The following WDFY3 variants were observed in gnomAD, a reference collection of about 807,000 sequenced individuals.
The protein encoded by WDFY3 is WD repeat and FYVE domain containing 3, also known as WD repeat and FYVE domain-containing protein 3.
Under a neutral mutation model 409.6 loss-of-function variants are expected in WDFY3, and 66 were observed. The ratio of observed to expected loss-of-function variants is 0.16; its 90% confidence interval spans 0.13 to 0.20. The LOEUF is 0.20. Ranked by LOEUF, WDFY3 falls within the 10% of genes least tolerant of loss-of-function variation. WDFY3 has a pLI of 1.00. For missense variants in WDFY3, 3,031 were observed against 4,298.1 expected (o/e 0.71, Z 8.24); for synonymous variants, 1,521 against 1,537.1 (o/e 0.99, Z 0.25).
chr4:84,827,768 T>G (rs1755067183), intron 9 of WDFY3, among the ~76,000 whole-genome samples: 1 of 152,156 alleles, frequency 6.6e-6, no homozygotes, highest in Admixed American at 6.6e-5. Context: ...AAAATGATAT[T>G]CTTAGGGGTT....
Position 84,766,387 on chromosome 4 carries a change from A to G in WDFY3, c.4850-15T>C. On this transcript the variant is annotated splice_polypyrimidine_tract_variant and intron_variant, in intron 30 of 67. Coordinates refer to ENST00000295888, the MANE Select transcript of WDFY3 (RefSeq NM_014991.6). ...CTCTTCAGTTCCTAAAATAAAAATAAATACATTAAATCTCCCTAGTAGATA... is the reference window on the plus strand; with the variant it reads ...CTCTTCAGTTCCTAAAATAAAAATAGATACATTAAATCTCCCTAGTAGATA... The G allele has an allele frequency of 6.3e-7, 1 of 1,576,004 alleles. No individual in the cohort carries two copies. The highest frequency in any genetic ancestry group is 8.6e-7 in the Non-Finnish European group (1 of 1,167,922).
At position 84,718,414 on chromosome 4, in the gene WDFY3, T is replaced by C. The variant is rs549270812; in HGVS notation, c.7754+8A>G. 1 of 1,611,218 alleles carries C rather than the reference T, an allele frequency of 6.2e-7. No homozygotes were observed. ...CCATACATTATGTCTCTTCATTCAT[T>C]TACTTACTTTGGAGGTAAGGTTTCA... is the stretch of plus-strand genomic sequence containing the variant. On this transcript the variant is annotated splice_region_variant and intron_variant, in intron 48 of 67. Coordinates refer to ENST00000295888, the MANE Select transcript of WDFY3 (RefSeq NM_014991.6).
At chr4:84,915,842 C>CCTCT (rs1206998625) in intron 2 of WDFY3, among the ~76,000 whole-genome samples, 6 of 152,150 alleles carry the variant, frequency 3.9e-5, no homozygotes, top group Non-Finnish European at 8.8e-5. Flanking sequence ...TACACACATA[C>CCTCT]CTCTGGCTCA....
chr4:84,837,421 C>T (rs968100776), intron 6 of WDFY3, among the ~76,000 whole-genome samples: 2 of 152,070 alleles, frequency 1.3e-5, no homozygotes, highest in Non-Finnish European at 2.9e-5. Context: ...ACTTAATTCT[C>T]CTGAGATTCA....
chr4:84,755,351 C>T lies in WDFY3; in HGVS notation c.5474G>A (p.Ser1825Asn). Residue 1825 changes from serine to asparagine, a missense_variant, in exon 34 of 68, where the codon AGC becomes AAC. Ser to Asn is a conservative substitution (Grantham distance 46). This residue lies in a region of WDFY3 where 342 missense variants were observed against 463.7 expected (regional missense o/e 0.74). Coordinates refer to ENST00000295888, the MANE Select transcript of WDFY3 (RefSeq NM_014991.6). ...ATGGATAGAAGAGACCACAGTTCCG[C>T]TGGAGGCAGGAACTCCAAAGATGAA... is the stretch of plus-strand genomic sequence containing the variant. ...WTFIFGVPAS[S>N]GTVVSSIHNV... 1 of 1,612,048 alleles carries T rather than the reference C, an allele frequency of 6.2e-7. No individual in the cohort carries two copies. Among genetic ancestry groups the T allele is most frequent in the Non-Finnish European group, 8.5e-7 (1 of 1,179,540 alleles).
intron 58 of WDFY3, among the ~76,000 whole-genome samples, chr4:84,694,228 CT>C (rs1332108587): frequency 6.6e-6 from 1 of 152,158 alleles, no homozygotes; most frequent in East Asian, 1.9e-4. Flanking sequence ...TTTTAAAGCA[CT>C]TTCATGAATG....
Position 84,787,638 on chromosome 4 carries a change from T to C in WDFY3, c.3745A>G (p.Ile1249Val), listed in dbSNP as rs375725446. The change falls in exon 23 of 68, where the codon ATT becomes GTT. Residue 1249 changes from isoleucine (I) to valine (V), a missense_variant. Coordinates refer to ENST00000295888, the MANE Select transcript of WDFY3 (RefSeq NM_014991.6). ...PPVVSTVYAY[I>V]GTPPAQRQIA... ...TGGCGTTGGGCAGGTGGAGTACCAATGTAGGCATAGACCGTGCTCACCACT... is the reference window on the plus strand; with the variant it reads ...TGGCGTTGGGCAGGTGGAGTACCAACGTAGGCATAGACCGTGCTCACCACT... 6.1e-5 allele frequency: 98 copies of C among 1,614,038 alleles called. No individual in the cohort carries two copies. The East Asian group carries it at 2.0e-3, about 32-fold the overall frequency.
Position 84,849,969 on chromosome 4 carries a change from C to G in WDFY3, c.237G>C (p.Gln79His). ...TMTEKFSDLLQFTTQVSRLMV... is the reference protein window; with the variant it reads ...TMTEKFSDLLHFTTQVSRLMV... ...TTAGTCGTGAGACTTGTGTTGTGAACTGCAGAAGATCAGAAAATTTTTCTG... is the reference window on the plus strand; with the variant it reads ...TTAGTCGTGAGACTTGTGTTGTGAAGTGCAGAAGATCAGAAAATTTTTCTG... Residue 79 changes from glutamine to histidine, a missense_variant, in exon 5 of 68, where the codon CAG (glutamine) becomes CAC (histidine). Around this residue, in one of 16 missense-constraint regions of WDFY3, gnomAD observed 1,322 missense variants for 1,697.9 expected, o/e 0.78. Coordinates refer to ENST00000295888, the MANE Select transcript of WDFY3 (RefSeq NM_014991.6). 6.2e-7 allele frequency: 1 copy of G among 1,610,194 alleles called. No homozygotes were observed. The highest frequency in any genetic ancestry group is 8.5e-7 in the Non-Finnish European group (1 of 1,178,612).
At chr4:84,750,908 C>T (rs1245949965) in intron 36 of WDFY3, among the ~76,000 whole-genome samples, 1 of 152,204 alleles carries the variant, frequency 6.6e-6, no homozygotes, top group Non-Finnish European at 1.5e-5. Flanking sequence ...CTGTACAATG[C>T]ACCATGTCTT....
chr4:84,723,318 C>A (rs1230396506), intron 46 of WDFY3, among the ~76,000 whole-genome samples: 4 of 152,182 alleles, frequency 2.6e-5, no homozygotes, highest in African/African-American at 9.6e-5. Context: ...AGAAACTGAT[C>A]ACAATCTCAA....
At chr4:84,941,488 C>G (rs1465021190) in intron 1 of WDFY3, among the ~76,000 whole-genome samples, 1 of 151,834 alleles carries the variant, frequency 6.6e-6, no homozygotes, top group Non-Finnish European at 1.5e-5. Flanking sequence ...GAAATAATCA[C>G]TAATGAGATA....
intron 20 of WDFY3, 43 bp downstream of exon 20, chr4:84,794,836 T>C (rs1475128229): frequency 6.5e-7 from 1 of 1,531,716 alleles, no homozygotes. Flanking sequence ...ATATATAATC[T>C]ACTAGAAAAA....
rs752630846 is a variant in WDFY3 at position 84,803,361 on chromosome 4, T to C, written c.2536A>G (p.Ile846Val). 3.7e-6 allele frequency: 6 copies of C among 1,614,016 alleles called. No individual in the cohort carries two copies. The South Asian group carries it at 5.5e-5, about 15-fold the overall frequency. Reference sequence around the variant, plus strand: ...GCAAGCATGGCTCCAGGATGAATGATGACTGCATCAGAACTCTGCAGAGAT... The same window carrying C: ...GCAAGCATGGCTCCAGGATGAATGACGACTGCATCAGAACTCTGCAGAGAT... ...TSSLQSSDAV[I>V]IHPGAMLAML... The change falls in exon 16 of 68, where the codon ATC (isoleucine) becomes GTC (valine). Residue 846 changes from isoleucine to valine, a missense_variant. Transcript: ENST00000295888.
At chr4:84,963,948 A>G (rs1465560055) in intron 1 of WDFY3, among the ~76,000 whole-genome samples, 1 of 152,254 alleles carries the variant, frequency 6.6e-6, no homozygotes, top group South Asian at 2.1e-4. Flanking sequence ...CATAATCAGA[A>G]ATGAAGGACA....
At position 84,718,692 on chromosome 4, in the gene WDFY3, A is replaced by G; in HGVS notation, c.7606-122T>C. On this transcript the variant is annotated intron_variant, in intron 47 of 67. Coordinates refer to ENST00000295888, the MANE Select transcript of WDFY3 (RefSeq NM_014991.6). ...ATCAGAGTTTAAGCATATTGAGAAGATTAAGCTTAGATTACAGTCTGATTT... is the reference window on the plus strand; with the variant it reads ...ATCAGAGTTTAAGCATATTGAGAAGGTTAAGCTTAGATTACAGTCTGATTT... The G allele has an allele frequency of 3.3e-6, 4 of 1,205,788 alleles. No homozygotes were observed. The South Asian group carries it at 7.8e-5, about 24-fold the overall frequency. 74.7% of individuals were successfully genotyped at this position (1,205,788 alleles called of 1,614,324 possible).
intron 62 of WDFY3, among the ~76,000 whole-genome samples, chr4:84,687,525 C>T (rs1416914082): frequency 6.6e-6 from 1 of 152,070 alleles, no homozygotes; most frequent in African/African-American, 2.4e-5. Flanking sequence ...TTATTTTAAT[C>T]AAATTTTGTT....
chr4:84,892,649 T>G (rs1448659799), intron 3 of WDFY3, among the ~76,000 whole-genome samples: 1 of 152,196 alleles, frequency 6.6e-6, no homozygotes, highest in Non-Finnish European at 1.5e-5. Context: ...GTTTGCTGAA[T>G]AATTTATTCA....
rs185878427 is a variant in WDFY3 at position 84,747,337 on chromosome 4, A to G, written c.5974-3538T>C. 9.2e-5 allele frequency among the ~76,000 whole-genome samples: 14 copies of G among 152,292 alleles called. No individual in the cohort carries two copies. The East Asian group carries it at 1.9e-3, about 21-fold the overall frequency. The stretch of plus-strand genomic sequence containing the variant: ...TAATGGGCTGGAAGCCTTTAAAGAT[A>G]GGATTTTGAGACTCCTGATTCTGAC... On this transcript the variant is annotated intron_variant, in intron 36 of 67. Coordinates refer to ENST00000295888, the MANE Select transcript of WDFY3 (RefSeq NM_014991.6).
At chr4:84,880,231 C>T (rs1763306556) in intron 3 of WDFY3, among the ~76,000 whole-genome samples, 1 of 152,056 alleles carries the variant, frequency 6.6e-6, no homozygotes, top group Non-Finnish European at 1.5e-5. Flanking sequence ...TCCCCTAGAG[C>T]GTCCAGAAAG....
Sources: allele counts gnomAD v4.1 joint callset (sites outside exome capture counted in the v4.1 genomes callset), GRCh38; gene constraint gnomAD v4.1.1; regional missense constraint gnomAD v4.1.1; transcripts MANE v1.5; gene names NCBI Gene and HGNC (gene_info 2026-07-23, HGNC 2026-07-21).